PDCD6: variants seen among roughly 807,000 people sequenced by gnomAD.
PDCD6 encodes programmed cell death 6, also known as programmed cell death protein 6.
Under a neutral mutation model 28.3 loss-of-function variants are expected in PDCD6, and 12 were observed. The observed-to-expected ratio is 0.42, with a 90% CI of 0.27 to 0.69. PDCD6 has a LOEUF of 0.69. PDCD6 is among the 30% of genes least tolerant of loss of function. The pLI, the probability that PDCD6 is intolerant of heterozygous loss-of-function variation, is 0.22. For missense variants in PDCD6, 226 were observed against 269.9 expected (o/e 0.84, Z 1.14); for synonymous variants, 92 against 108.0 (o/e 0.85, Z 0.92).
At chr5:290,201 A>T in intron 2 of PDCD6, 1 of 1,572,436 alleles carries the variant, frequency 6.4e-7, no homozygotes, top group Non-Finnish European at 8.7e-7. Context: ...AATTGGGACC[A>T]CTGAATCTGT....
At chr5:313,504 C>A (rs1385660624) in intron 5 of PDCD6, among the ~76,000 whole-genome samples, 2 of 152,080 alleles carry the variant, frequency 1.3e-5, no homozygotes, top group Non-Finnish European at 2.9e-5. Context: ...ACTCTTGTCA[C>A]CCCAGCTGGA....
intron 2 of PDCD6, among the ~76,000 whole-genome samples, chr5:299,742 G>T (rs547197911): frequency 3.6e-4 from 55 of 152,002 alleles, no homozygotes; most frequent in Non-Finnish European, 6.9e-4. Flanking sequence ...GTAGAGATGG[G>T]GTTTCACCAT....
At chr5:297,594 C>G (rs1739698839) in intron 2 of PDCD6, among the ~76,000 whole-genome samples, 1 of 152,218 alleles carries the variant, frequency 6.6e-6, no homozygotes, top group African/African-American at 2.4e-5. Flanking sequence ...CAAATCAAAG[C>G]AATCGAGGAA....
At chr5:288,075 C>T (rs1465216907) in intron 2 of PDCD6, among the ~76,000 whole-genome samples, 1 of 152,016 alleles carries the variant, frequency 6.6e-6, no homozygotes, top group African/African-American at 2.4e-5. Context: ...TGAGTTTGAA[C>T]AGATCTCTTG....
Position 314,946 on chromosome 5 carries a change from G to A in PDCD6, c.*431G>A, listed in dbSNP as rs936123237. 5.2e-5 allele frequency: 16 copies of A among 307,732 alleles called. No individual in the cohort carries two copies. Among genetic ancestry groups the A allele is most frequent in the Non-Finnish European group, 7.6e-5 (12 of 157,446 alleles). 19.1% of individuals were successfully genotyped at this position (307,732 alleles called of 1,614,324 possible). On this transcript the variant is annotated 3_prime_UTR_variant, in exon 6 of 6. Transcript: ENST00000264933. ...TATTGTATTCATTGGAATATGTGAC[G>A]TAAGCAATAAAGGGAATGTTAGACG...
At chr5:301,478 T>C (rs1191237359) in intron 2 of PDCD6, among the ~76,000 whole-genome samples, 1 of 152,282 alleles carries the variant, frequency 6.6e-6, no homozygotes, top group African/African-American at 2.4e-5. Flanking sequence ...CCTTTCTGAA[T>C]ACCTCTATAT....
At chr5:294,658 C>T (rs1358438141) in intron 2 of PDCD6, among the ~76,000 whole-genome samples, 2 of 152,268 alleles carry the variant, frequency 1.3e-5, no homozygotes, top group African/African-American at 4.8e-5. Context: ...AAGTTAAGCA[C>T]ATCCTTACCC....
intron 2 of PDCD6, among the ~76,000 whole-genome samples, chr5:288,384 C>A (rs1739115754): frequency 6.7e-6 from 1 of 149,742 alleles, no homozygotes; most frequent in African/African-American, 2.4e-5. Context: ...CAGCATGAAA[C>A]CCTGTTATTC....
At chr5:271,994 C>G (rs1370556288) in intron 1 of PDCD6, among the ~76,000 whole-genome samples, 173 bp downstream of exon 1, 1 of 151,612 alleles carries the variant, frequency 6.6e-6, no homozygotes, top group African/African-American at 2.4e-5. Context: ...CGACCCCTGC[C>G]CCAGCCGACG....
In PDCD6 at chr5:306,621, C is replaced by T. The variant is rs762284554; in HGVS notation, c.228C>T (p.Asn76=). The change falls in exon 4 of 6, where the codon AAC becomes AAT. Residue 76 remains asparagine (N), a synonymous_variant. Coordinates refer to ENST00000264933, the MANE Select transcript of PDCD6 (RefSeq NM_013232.4). The part of the protein sequence containing the change: ...RSIISMFDRE[N]KAGVNFSEFT... ...TCTCAGCCATGTTTGACCGTGAGAA[C>T]AAGGCCGGCGTGAACTTCAGCGAGT... 3 of 1,613,918 alleles carry T rather than the reference C, an allele frequency of 1.9e-6. No homozygotes were observed. Among genetic ancestry groups the T allele is most frequent in the Non-Finnish European group, 2.5e-6 (3 of 1,179,990 alleles).
rs775090904 is a variant in PDCD6 at position 311,284 on chromosome 5, C to T, written c.368-9C>T. ...CAGCCTTCTCTGACTCTGACTTTCCCTCTTGAAGGCTACCGGCTCTCTGAC... is the reference window on the plus strand; with the variant it reads ...CAGCCTTCTCTGACTCTGACTTTCCTTCTTGAAGGCTACCGGCTCTCTGAC... On this transcript the variant is annotated splice_polypyrimidine_tract_variant and intron_variant, in intron 4 of 5. Transcript: ENST00000264933. The T allele has an allele frequency of 2.5e-6, 4 of 1,610,748 alleles. No homozygotes were observed. Among genetic ancestry groups the T allele is most frequent in the South Asian group, 1.1e-5 (1 of 90,964 alleles).
intron 2 of PDCD6, among the ~76,000 whole-genome samples, chr5:284,143 G>A (rs890105840): frequency 1.3e-5 from 2 of 151,800 alleles, no homozygotes; most frequent in African/African-American, 2.4e-5. Context: ...TCTAATTTGA[G>A]TATCTTGCAG....
Position 314,608 on chromosome 5 carries a change from T to TG in PDCD6, c.*94dup. The TG allele has an allele frequency of 1.1e-6, 1 of 886,676 alleles. No individual in the cohort carries two copies. The highest frequency in any genetic ancestry group is 1.9e-6 in the Non-Finnish European group (1 of 534,152). The allele number at this position is 886,676 out of a possible 1,614,324, so 54.9% of individuals were successfully genotyped here. On this transcript the variant is annotated 3_prime_UTR_variant, in exon 6 of 6. Transcript: ENST00000264933. ...GGAATGGAGCACAGGTGCAGTTAGA[T>TG]GCTGTTCTTCCTTTAGATTTTGTCA...
At chr5:288,854 G>T (rs1169869465) in intron 2 of PDCD6, 119 of 1,493,814 alleles carry the variant, frequency 8.0e-5, no homozygotes, top group Non-Finnish European at 1.1e-4. Context: ...TTGGTTCATC[G>T]GTGACTTCTG....
rs946458883 is a variant in PDCD6, at chr5:313,595, G to A, written c.478-822G>A. ...TCTGCCTTGGCCTCCTGAGTAGCTG[G>A]GATCCCAGGCGAGAGTCACCACACC... On this transcript the variant is annotated intron_variant, in intron 5 of 5. Transcript: ENST00000264933. The A allele has an allele frequency of 2.6e-5, 4 of 152,376 alleles. No homozygotes were observed. In the South Asian group the frequency reaches 8.3e-4, roughly 32 times the overall value. 9.4% of individuals were successfully genotyped at this position (152,376 alleles called of 1,614,324 possible).
At chr5:294,279 A>AAAAG (rs1739465450) in intron 2 of PDCD6, among the ~76,000 whole-genome samples, 1 of 140,738 alleles carries the variant, frequency 7.1e-6, no homozygotes, top group Non-Finnish European at 1.5e-5. Context: ...TGGTCTAGAA[A>AAAAG]TAAACATTTG....
intron 2 of PDCD6, among the ~76,000 whole-genome samples, chr5:282,822 A>C (rs1035582344): frequency 9.9e-5 from 10 of 100,720 alleles, no homozygotes; most frequent in Non-Finnish European, 3.7e-5. Flanking sequence ...TAGTTTGAGG[A>C]TCTTGCAGCT....
chr5:298,143 CAG>C (rs1345070711), intron 2 of PDCD6, among the ~76,000 whole-genome samples: 3 of 152,194 alleles, frequency 2.0e-5, no homozygotes, highest in Non-Finnish European at 2.9e-5. Context: ...CTCATGATTT[CAG>C]GGGTAATTCC....
intron 1 of PDCD6, among the ~76,000 whole-genome samples, chr5:272,119 AAGATGC>A (rs1346031987): frequency 6.6e-6 from 1 of 150,776 alleles, no homozygotes; most frequent in Non-Finnish European, 1.5e-5. Context: ...GGCCCTTCCC[AAGATGC>A]AGAGTGCGCC....
Sources: allele counts gnomAD v4.1 joint callset (sites outside exome capture counted in the v4.1 genomes callset), GRCh38; gene constraint gnomAD v4.1.1; transcripts MANE v1.5; gene names NCBI Gene and HGNC (gene_info 2026-07-23, HGNC 2026-07-21).